The following CFAP410 variants were observed in gnomAD, a reference collection of about 807,000 sequenced individuals.
The protein encoded by CFAP410 is cilia- and flagella-associated protein 410.
A neutral mutation model predicts 25.7 loss-of-function variants in CFAP410; 27 were observed. That is an observed-to-expected ratio of 1.05 (90% CI 0.77 to 1.45). The LOEUF (loss-of-function observed/expected upper bound fraction) is 1.45, where lower values mean the gene tolerates loss of function less well. CFAP410 is among the 40% of genes most tolerant of loss of function. CFAP410 has a pLI of 0.00. For synonymous variants in CFAP410, 178 were observed against 158.4 expected, an observed-to-expected ratio of 1.12 and a Z score of -0.93; for missense variants, 428 against 354.1, an observed-to-expected ratio of 1.21 and a Z score of -1.67.
chr21:44,337,758 T>C, intron 1 of CFAP410, 91 bp from the exon 2 acceptor site: 2 of 1,026,086 alleles, frequency 1.9e-6, no homozygotes, highest in Admixed American at 2.0e-5. Flanking sequence ...GATGACTCCC[T>C]ACAAACCTTA....
intron 2 of CFAP410, chr21:44,337,017 A>G (rs3788121): frequency 0.53 from 80,258 of 150,912 alleles, 23,690 homozygotes; most frequent in African/African-American, 0.81. Context: ...CCCGGGAGGC[A>G]GAGGTTGCAG....
chr21:44,334,114 C>A, intron 3 of CFAP410: 1 of 456,296 alleles, frequency 2.2e-6, no homozygotes, highest in Non-Finnish European at 4.4e-6. Flanking sequence ...CTGCCTCAGG[C>A]ACAGGCAGCA....
At chr21:44,337,256 G>C (rs987459259) in intron 2 of CFAP410, among the ~76,000 whole-genome samples, 5 of 152,124 alleles carry the variant, frequency 3.3e-5, no homozygotes, top group Non-Finnish European at 7.4e-5. Flanking sequence ...CAGCGGCAAG[G>C]GGGTACAAGG....
intron 2 of CFAP410, 134 bp from the exon 3 acceptor site, chr21:44,335,938 C>T (rs1255481769): frequency 2.9e-6 from 2 of 683,668 alleles, no homozygotes. Flanking sequence ...CTTACTCAGC[C>T]AGTGTGCCCA....
chr21:44,331,790 G>A, intron 5 of CFAP410, 53 bp downstream of exon 5: 2 of 1,556,430 alleles, frequency 1.3e-6, no homozygotes, highest in Middle Eastern at 2.3e-4. Context: ...CCCGTGGGAG[G>A]ACCCTGGGGG....
rs1009700855 is a variant in CFAP410, at chr21:44,331,340, A to C, written c.546-421T>G. 1.9e-5 allele frequency: 5 copies of C among 264,348 alleles called. No individual in the cohort carries two copies. The South Asian group carries it at 3.2e-4, about 17-fold the overall frequency. 16.4% of individuals were successfully genotyped at this position (264,348 alleles called of 1,614,324 possible). A position where few individuals can be genotyped will look rare whatever the true frequency, so the allele number is the denominator to read the frequency against. Reference sequence around the variant, plus strand: ...CAGCAGCGGGTGTGATCTGCCAAGCAGGAGAGAAGTGCCCAGCTTCTGTCA... The same window carrying C: ...CAGCAGCGGGTGTGATCTGCCAAGCCGGAGAGAAGTGCCCAGCTTCTGTCA... On this transcript the variant is annotated intron_variant, in intron 5 of 6. Coordinates refer to ENST00000339818, the MANE Select transcript of CFAP410 (RefSeq NM_004928.3).
At position 44,331,948 on chromosome 21, in the gene CFAP410, C is replaced by T; in HGVS notation, c.440G>A (p.Arg147Lys). ...EGEEITAAPE[R>K]EGTGHGGPKL... is the part of the protein sequence containing the mutation. ...GGGGCCGCCGTGGCCTGTGCCCTCT[C>T]TCTCTGGGGCCGCAGTGATCTCCTC... Residue 147 changes from arginine to lysine, a missense_variant, in exon 5 of 7, where the codon AGA (arginine) becomes AAA (lysine). Physicochemically the swap from Arg to Lys is conservative, Grantham distance 26 (BLOSUM62 2). Transcript: ENST00000339818. 6.2e-7 allele frequency: 1 copy of T among 1,613,698 alleles called. No homozygotes were observed. The highest frequency in any genetic ancestry group is 8.5e-7 in the Non-Finnish European group (1 of 1,179,866).
At chr21:44,337,627 A>G (rs2047780335) in intron 2 of CFAP410, 22 bp downstream of exon 2, 1 of 1,609,082 alleles carries the variant, frequency 6.2e-7, no homozygotes. Context: ...TGCAATACTT[A>G]CATCTGTGAG....
intron 3 of CFAP410, 116 bp downstream of exon 3, chr21:44,335,642 C>A: frequency 1.3e-6 from 1 of 799,400 alleles, no homozygotes; most frequent in South Asian, 1.6e-5. Flanking sequence ...AAGCCGCCCT[C>A]AGTCTGTGTT....
At chr21:44,331,111 G>C in intron 5 of CFAP410, 192 bp from the exon 6 acceptor site, 2 of 609,432 alleles carry the variant, frequency 3.3e-6, no homozygotes, top group Non-Finnish European at 5.7e-6. Flanking sequence ...TGGAGAGCCC[G>C]GCACTTACTT....
At position 44,339,035 on chromosome 21, in the gene CFAP410, C is replaced by G. The variant is rs867764987; in HGVS notation, c.77+83G>C. 7.3e-4 allele frequency: 481 copies of G among 657,024 alleles called. 79 individuals carry two copies. In the African/African-American group the frequency reaches 0.011, roughly 15 times the overall value. The allele number at this position is 657,024 out of a possible 1,614,324, so 40.7% of individuals were successfully genotyped here. A position where few individuals can be genotyped will look rare whatever the true frequency, so the allele number is the denominator to read the frequency against. ...CTCCGGCTCCGCCCTCTCCCCGCCC[C>G]GGCTCCTCCCTCCGGCTCCGCCCTC... On this transcript the variant is annotated intron_variant, in intron 1 of 6. Coordinates refer to ENST00000339818, the MANE Select transcript of CFAP410 (RefSeq NM_004928.3).
chr21:44,333,529 G>A, intron 3 of CFAP410: 1 of 556,212 alleles, frequency 1.8e-6, no homozygotes, highest in Non-Finnish European at 3.2e-6. Context: ...CAGCTCCTCA[G>A]GGCGCTAGAG....
chr21:44,333,380 A>C, intron 3 of CFAP410, 118 bp from the exon 4 acceptor site: 1 of 783,652 alleles, frequency 1.3e-6, no homozygotes, highest in Non-Finnish European at 2.1e-6. Flanking sequence ...CTCTCCTGAG[A>C]AGCCTAAATC....
rs149601648 is a variant in CFAP410, at chr21:44,333,759, G to A, written c.144-497C>T. ...GCCTCATTTCCATTCTACAGAACGTGGACGCGTCAGAGAAGAGAAACAGCA... is the reference window on the plus strand; with the variant it reads ...GCCTCATTTCCATTCTACAGAACGTAGACGCGTCAGAGAAGAGAAACAGCA... On this transcript the variant is annotated intron_variant, in intron 3 of 6. Transcript: ENST00000339818. 481 of 314,520 alleles carry A rather than the reference G, an allele frequency of 1.5e-3. 2 individuals are homozygous for A. The highest frequency in any genetic ancestry group is 9.9e-3 in the African/African-American group (453 of 45,842). The allele number at this position is 314,520 out of a possible 1,614,324, so 19.5% of individuals were successfully genotyped here.
At chr21:44,334,123 C>T (rs757336439) in intron 3 of CFAP410, 20 of 456,186 alleles carry the variant, frequency 4.4e-5, no homozygotes, top group South Asian at 2.5e-4. Context: ...GCACAGGCAG[C>T]AGCGTGATGT....
intron 1 of CFAP410, chr21:44,338,589 C>T (rs1403230141): frequency 4.9e-6 from 1 of 203,828 alleles, no homozygotes; most frequent in East Asian, 1.8e-4. Context: ...TCGACTTGGT[C>T]CCAGTGACTG....
chr21:44,336,583 C>T lies in CFAP410; in HGVS notation c.97-779G>A, dbSNP rs533721512. ...AGAGCCCACCATACGCCAGGCATGG[C>T]ACCAGCAGCTCACAGCCTGGTCAGA... is the stretch of plus-strand genomic sequence containing the variant. On this transcript the variant is annotated intron_variant, in intron 2 of 6. Coordinates refer to ENST00000339818, the MANE Select transcript of CFAP410 (RefSeq NM_004928.3). Among the ~76,000 whole-genome samples the T allele has an allele frequency of 1.1e-4, 17 of 152,246 alleles. 1 individual carries two copies. In the East Asian group the frequency reaches 2.7e-3, roughly 24 times the overall value.
chr21:44,330,267 G>C lies in CFAP410; in HGVS notation c.702C>G (p.Ala234=). The change falls in exon 7 of 7, where the codon GCC becomes GCG. Residue 234 remains alanine (A), a synonymous_variant. Coordinates refer to ENST00000339818, the MANE Select transcript of CFAP410 (RefSeq NM_004928.3). ...GCCGGCTGCCCACAGTCTGCTGCAC[G>C]GCCTCCAGCCCCTCTGCATCCAGCT... ...LRELDAEGLE[A]VQQTVGSRLQ... 6.2e-7 allele frequency: 1 copy of C among 1,605,052 alleles called. No homozygotes were observed. Among genetic ancestry groups the C allele is most frequent in the Non-Finnish European group, 8.5e-7 (1 of 1,177,332 alleles).
chr21:44,334,426 G>A, intron 3 of CFAP410: 1 of 378,888 alleles, frequency 2.6e-6, no homozygotes, highest in South Asian at 1.9e-5. Context: ...AGGCAGGCCT[G>A]AAATCCCAGC....
Sources: allele counts gnomAD v4.1 joint callset (sites outside exome capture counted in the v4.1 genomes callset), GRCh38; gene constraint gnomAD v4.1.1; transcripts MANE v1.5; gene names NCBI Gene and HGNC (gene_info 2026-07-23, HGNC 2026-07-21).